Variants in SORCS1 observed in about 807,000 individuals in gnomAD.
SORCS1 encodes the protein sortilin related VPS10 domain containing receptor 1, also known as VPS10 domain-containing receptor SorCS1.
Under a neutral mutation model 146.1 loss-of-function variants are expected in SORCS1, and 60 were observed. That is an observed-to-expected ratio of 0.41 (90% CI 0.33 to 0.51). The LOEUF (loss-of-function observed/expected upper bound fraction) is 0.51, where lower values mean the gene tolerates loss of function less well. Among genes scored for constraint, SORCS1 ranks in the 20% least tolerant of loss-of-function variants. The pLI, the probability that SORCS1 is intolerant of heterozygous loss-of-function variation, is 0.21. For missense variants in SORCS1, 1,352 were observed against 1,487.6 expected (o/e 0.91, Z 1.50); for synonymous variants, 637 against 584.0 (o/e 1.09, Z -1.31).
In SORCS1 at chr10:106,688,180, AG is replaced by A. The variant is rs149778594; in HGVS notation, c.1560+11del. Reference sequence around the variant, plus strand: ...ACTGTGTGAGGCATTCTGCTTCAATAGGAAGACTCACCAGCAAGCAGTGCAC... The same window carrying A: ...ACTGTGTGAGGCATTCTGCTTCAATAGAAGACTCACCAGCAAGCAGTGCAC... On this transcript the variant is annotated intron_variant, in intron 10 of 25. Transcript: ENST00000263054. The A allele has an allele frequency of 9.7e-4, 1,561 of 1,611,148 alleles. 17 individuals carry two copies. In the South Asian group the frequency reaches 0.01, roughly 11 times the overall value.
intron 2 of SORCS1, among the ~76,000 whole-genome samples, chr10:106,845,475 G>C (rs1415695334): frequency 2.5e-5 from 1 of 40,590 alleles, no homozygotes; most frequent in Non-Finnish European, 5.1e-5. Flanking sequence ...GTAGATTCTG[G>C]ATATTAGCCC....
At chr10:106,595,201 C>G (rs1194034932) in intron 24 of SORCS1, among the ~76,000 whole-genome samples, 1 of 152,162 alleles carries the variant, frequency 6.6e-6, no homozygotes, top group African/African-American at 2.4e-5. Flanking sequence ...GCATACGATT[C>G]AGAAAGTGGC....
chr10:106,704,001 C>T (rs367889889), intron 8 of SORCS1, among the ~76,000 whole-genome samples: 250 of 152,288 alleles, frequency 1.6e-3, no homozygotes, highest in African/African-American at 5.5e-3. Context: ...AGGAAGAAGA[C>T]AGATGCAAAT....
At chr10:107,022,436 C>T (rs879257291) in intron 1 of SORCS1, among the ~76,000 whole-genome samples, 49 of 152,110 alleles carry the variant, frequency 3.2e-4, no homozygotes, top group Admixed American at 2.9e-3. Context: ...TTAGAAACAA[C>T]CCTTAATTAA....
chr10:107,009,346 G>A (rs559380135), intron 1 of SORCS1, among the ~76,000 whole-genome samples: 2 of 152,150 alleles, frequency 1.3e-5, no homozygotes, highest in Non-Finnish European at 2.9e-5. Flanking sequence ...AATATATACT[G>A]TTCACAAATC....
At chr10:107,078,529 C>G (rs1273948206) in intron 1 of SORCS1, among the ~76,000 whole-genome samples, 1 of 152,172 alleles carries the variant, frequency 6.6e-6, no homozygotes, top group Non-Finnish European at 1.5e-5. Flanking sequence ...GAAAACAATT[C>G]CAAAAACAAT....
At chr10:106,784,379 A>AGG (rs1306581129) in intron 3 of SORCS1, among the ~76,000 whole-genome samples, 3 of 147,116 alleles carry the variant, frequency 2.0e-5, no homozygotes, top group Non-Finnish European at 4.5e-5. Context: ...TGGGCGACAG[A>AGG]GGGAGACTCC....
At chr10:107,127,319 A>G (rs1966768367) in intron 1 of SORCS1, among the ~76,000 whole-genome samples, 1 of 151,992 alleles carries the variant, frequency 6.6e-6, no homozygotes, top group Non-Finnish European at 1.5e-5. Flanking sequence ...CCTTACTTTC[A>G]GCACCATAGT....
At chr10:107,100,193 GAGC>G (rs1475445213) in intron 1 of SORCS1, among the ~76,000 whole-genome samples, 4 of 151,966 alleles carry the variant, frequency 2.6e-5, no homozygotes, top group African/African-American at 9.7e-5. Context: ...TCAAACATGA[GAGC>G]ACATTTTGTA....
chr10:107,086,456 A>G (rs539529019), intron 1 of SORCS1, among the ~76,000 whole-genome samples: 227 of 152,306 alleles, frequency 1.5e-3, no homozygotes, highest in Non-Finnish European at 2.7e-3. Context: ...TATTTCAAAT[A>G]ATAAATTTAT....
chr10:107,144,793 A>G (rs1968165638), intron 1 of SORCS1, among the ~76,000 whole-genome samples: 1 of 152,258 alleles, frequency 6.6e-6, no homozygotes, highest in South Asian at 2.1e-4. Flanking sequence ...AAGAGTGGTC[A>G]CAATTTTGAG....
chr10:106,927,634 A>G (rs10884386), intron 2 of SORCS1, among the ~76,000 whole-genome samples: 83,460 of 151,910 alleles, frequency 0.55, 23,989 homozygotes, highest in Non-Finnish European at 0.63. Context: ...TTGACAGGGC[A>G]CTGATTGGTG....
chr10:106,977,589 A>ATTT (rs35526585), intron 1 of SORCS1, among the ~76,000 whole-genome samples: 16,195 of 133,102 alleles, frequency 0.12, 1,147 homozygotes, highest in African/African-American at 0.19. Flanking sequence ...CATTCATTGG[A>ATTT]TTTTTTTTTT....
At chr10:106,623,360 A>T (rs1192359492) in intron 19 of SORCS1, among the ~76,000 whole-genome samples, 1 of 150,560 alleles carries the variant, frequency 6.6e-6, no homozygotes, top group East Asian at 2.0e-4. Context: ...CTCCTGCCTC[A>T]GTCTCCCGAG....
At chr10:106,679,515 T>C (rs2135553305) in intron 11 of SORCS1, 117 bp downstream of exon 11, 3 of 1,045,374 alleles carry the variant, frequency 2.9e-6, no homozygotes, top group Middle Eastern at 2.8e-4. Context: ...TTTAGCTTGC[T>C]CATTAAGTTC....
chr10:106,943,176 C>T (rs1299899443), intron 2 of SORCS1, among the ~76,000 whole-genome samples: 1 of 152,178 alleles, frequency 6.6e-6, no homozygotes, highest in African/African-American at 2.4e-5. Flanking sequence ...GGCTACTTCA[C>T]ACATATTTTT....
chr10:106,646,229 G>C (rs1849420335), intron 18 of SORCS1, among the ~76,000 whole-genome samples: 1 of 151,514 alleles, frequency 6.6e-6, no homozygotes, highest in Admixed American at 6.6e-5. Context: ...CTTCAGTCTG[G>C]GTGACAAAGG....
intron 1 of SORCS1, among the ~76,000 whole-genome samples, chr10:107,015,511 A>T (rs1003301524): frequency 6.6e-6 from 1 of 152,242 alleles, no homozygotes; most frequent in African/African-American, 2.4e-5. Flanking sequence ...AAGGCTCAAA[A>T]GCAGAAACAT....
chr10:107,056,112 G>A (rs1564979941), intron 1 of SORCS1, among the ~76,000 whole-genome samples: 1 of 152,118 alleles, frequency 6.6e-6, no homozygotes, highest in Non-Finnish European at 1.5e-5. Context: ...GTTGTTACAG[G>A]GTAAAAGTGT....
Sources: gnomAD v4.1 joint callset for allele counts (sites outside exome capture counted in the v4.1 genomes callset) on GRCh38, gnomAD v4.1.1 for gene constraint, MANE v1.5 for transcripts, NCBI Gene and HGNC (gene_info 2026-07-23, HGNC 2026-07-21) for gene names.